Variants in TYW1 observed in about 807,000 individuals in gnomAD.
TYW1 encodes the protein tRNA-yW synthesizing protein 1 homolog.
Under a neutral mutation model 96.2 loss-of-function variants are expected in TYW1, and 46 were observed. That is an observed-to-expected ratio of 0.48 (90% CI 0.38 to 0.61). The LOEUF is 0.61. Ranked by LOEUF, TYW1 falls within the 20% of genes least tolerant of loss-of-function variation. The pLI is 0.00. For missense variants in TYW1, 684 were observed against 909.6 expected, an observed-to-expected ratio of 0.75 and a Z score of 3.19; for synonymous variants, 274 against 323.0, an observed-to-expected ratio of 0.85 and a Z score of 1.63.
chr7:67,215,454 T>C (rs1233679962), intron 15 of TYW1, among the ~76,000 whole-genome samples: 2 of 151,998 alleles, frequency 1.3e-5, no homozygotes, highest in Non-Finnish European at 2.9e-5. Context: ...TTTTTCTTCA[T>C]GTTTCTTCCA....
In TYW1 at chr7:66,998,882, C is replaced by T; in HGVS notation, c.201C>T (p.Val67=). 1.2e-6 allele frequency: 2 copies of T among 1,614,112 alleles called. No individual in the cohort carries two copies. Among genetic ancestry groups the T allele is most frequent in the Non-Finnish European group, 1.7e-6 (2 of 1,180,002 alleles). ...AAQDLMTNGY[V]SLQEKDIFVS... ...AGGATTTGATGACAAATGGTTATGT[C>T]TCCCTTCAAGAGAAAGACATCTTTG... Residue 67 remains valine, a synonymous_variant, in exon 3 of 16, where the codon GTC becomes GTT. Transcript: ENST00000359626.
At chr7:67,015,095 G>A (rs770373374) in intron 5 of TYW1, among the ~76,000 whole-genome samples, 7 of 151,180 alleles carry the variant, frequency 4.6e-5, no homozygotes, top group Admixed American at 1.3e-4. Context: ...TCCGCCTCCC[G>A]GGTTCAAGCG....
At chr7:67,013,178 A>G (rs1054877927) in intron 4 of TYW1, among the ~76,000 whole-genome samples, 10 of 149,066 alleles carry the variant, frequency 6.7e-5, no homozygotes, top group African/African-American at 2.5e-4. Context: ...TGCAGTGTGC[A>G]GGGGTGTGAT....
chr7:67,211,087 G>A (rs951620529), intron 15 of TYW1, among the ~76,000 whole-genome samples: 8 of 150,684 alleles, frequency 5.3e-5, no homozygotes, highest in Non-Finnish European at 1.0e-4. Flanking sequence ...AATTGTCCCA[G>A]CTTTGGCCAT....
At chr7:67,143,876 G>A (rs7793595) in intron 13 of TYW1, among the ~76,000 whole-genome samples, 39,441 of 151,900 alleles carry the variant, frequency 0.26, 5,587 homozygotes, top group African/African-American at 0.38. Context: ...GCGTTTTTTG[G>A]TGTATATGCT....
At chr7:67,009,134 T>C (rs1472979586) in intron 3 of TYW1, among the ~76,000 whole-genome samples, 1 of 152,018 alleles carries the variant, frequency 6.6e-6, no homozygotes, top group Non-Finnish European at 1.5e-5. Context: ...CTCAGCCTCT[T>C]GAGTAGCTGG....
intron 13 of TYW1, among the ~76,000 whole-genome samples, chr7:67,153,167 T>C (rs1029144748): frequency 2.0e-5 from 3 of 152,170 alleles, no homozygotes; most frequent in African/African-American, 7.2e-5. Context: ...TTAAATCTTA[T>C]GTTTATGGGT....
chr7:67,093,884 A>T (rs1238848366), intron 11 of TYW1, among the ~76,000 whole-genome samples: 1 of 152,138 alleles, frequency 6.6e-6, no homozygotes, highest in Non-Finnish European at 1.5e-5. Flanking sequence ...TTAGGGGTAC[A>T]TGTGCATGTT....
chr7:67,220,102 T>C (rs1801335895), intron 15 of TYW1, among the ~76,000 whole-genome samples: 1 of 151,038 alleles, frequency 6.6e-6, no homozygotes, highest in South Asian at 2.1e-4. Context: ...CATTTTCTAA[T>C]TTCCCTTGTG....
At chr7:67,113,141 AC>A (rs1159387905) in intron 12 of TYW1, among the ~76,000 whole-genome samples, 1 of 151,922 alleles carries the variant, frequency 6.6e-6, no homozygotes, top group African/African-American at 2.4e-5. Context: ...TGACCTTGTT[AC>A]GTCTTTTGTA....
In TYW1 at chr7:67,197,914, T is replaced by C. The variant is rs191496636; in HGVS notation, c.1977+2577T>C. On this transcript the variant is annotated intron_variant, in intron 15 of 15. Coordinates refer to ENST00000359626, the MANE Select transcript of TYW1 (RefSeq NM_018264.4). ...GCTTGTTCTCTTGCTCTCTCTCTTT[T>C]GCTCCCGTTCTCTCTCGTTCTCTCT... Among the ~76,000 whole-genome samples the C allele has an allele frequency of 7.9e-5, 12 of 151,406 alleles. No individual in the cohort carries two copies. The East Asian group carries it at 2.1e-3, about 27-fold the overall frequency.
At chr7:67,050,698 A>G (rs1584502700) in intron 8 of TYW1, among the ~76,000 whole-genome samples, 1 of 152,180 alleles carries the variant, frequency 6.6e-6, no homozygotes, top group African/African-American at 2.4e-5. Flanking sequence ...TAATTAGGGT[A>G]GATTATATTA....
intron 4 of TYW1, among the ~76,000 whole-genome samples, chr7:67,010,129 T>C (rs1248933693): frequency 6.6e-6 from 1 of 151,726 alleles, no homozygotes; most frequent in African/African-American, 2.4e-5. Flanking sequence ...TTTACAGGCA[T>C]GCACCACCAT....
chr7:67,086,423 G>GGTGTATGTGTAT (rs953553678), intron 11 of TYW1, among the ~76,000 whole-genome samples: 1 of 150,962 alleles, frequency 6.6e-6, no homozygotes, highest in African/African-American at 2.4e-5. Context: ...AGAACCAGTG[G>GGTGTATGTGTAT]GTGTATGTGT....
In TYW1 at chr7:67,166,333, A is replaced by ATATATATTATATAT. The variant is rs1563051226; in HGVS notation, c.1699-16786_1699-16785insTATATATTATATAT. On this transcript the variant is annotated intron_variant, in intron 13 of 15. Transcript: ENST00000359626. ...TTATATATAATATATAACATATATAATATATATAATATATAATTATATATA... is the reference window on the plus strand; with the variant it reads ...TTATATATAATATATAACATATATAATATATATTATATATTATATATAATATATAATTATATATA... 6.6e-4 allele frequency among the ~76,000 whole-genome samples: 84 copies of ATATATATTATATAT among 126,376 alleles called. 3 individuals are homozygous for ATATATATTATATAT. Among genetic ancestry groups the ATATATATTATATAT allele is most frequent in the Non-Finnish European group, 8.9e-4 (52 of 58,548 alleles). 82.9% of individuals were successfully genotyped at this position (126,376 alleles called of 152,430 possible).
chr7:67,006,480 C>T, intron 3 of TYW1, among the ~76,000 whole-genome samples: 1 of 128,502 alleles, frequency 7.8e-6, no homozygotes, highest in South Asian at 2.4e-4. Context: ...CACCCAGTTG[C>T]CCAGGCTGGA....
At position 67,133,970 on chromosome 7, in the gene TYW1, C is replaced by T. The variant is rs182698846; in HGVS notation, c.1698+16352C>T. Among the ~76,000 whole-genome samples, 26 of 151,994 alleles carry T rather than the reference C, an allele frequency of 1.7e-4. No homozygotes were observed. In the East Asian group the frequency reaches 5.1e-3, roughly 30 times the overall value. ...CCTCATCCTGTGGAAAATAATATCCCTCCTCAGCAGCACTGCCCATCCCTC... is the reference window on the plus strand; with the variant it reads ...CCTCATCCTGTGGAAAATAATATCCTTCCTCAGCAGCACTGCCCATCCCTC... On this transcript the variant is annotated intron_variant, in intron 13 of 15. Transcript: ENST00000359626.
At chr7:67,001,188 A>G (rs2129236460) in intron 3 of TYW1, among the ~76,000 whole-genome samples, 1 of 152,278 alleles carries the variant, frequency 6.6e-6, no homozygotes, top group South Asian at 2.1e-4. Context: ...GAAACCTTTT[A>G]ACTATTTCTA....
At chr7:67,156,543 G>C (rs1338220875) in intron 13 of TYW1, among the ~76,000 whole-genome samples, 1 of 152,144 alleles carries the variant, frequency 6.6e-6, no homozygotes, top group Non-Finnish European at 1.5e-5. Flanking sequence ...TTTCGTCCTG[G>C]GAGTAGTCAT....
Sources: gnomAD v4.1 joint callset for allele counts (sites outside exome capture counted in the v4.1 genomes callset) on GRCh38, gnomAD v4.1.1 for gene constraint, MANE v1.5 for transcripts, NCBI Gene and HGNC (gene_info 2026-07-23, HGNC 2026-07-21) for gene names.